SCUBE2: variants seen among roughly 807,000 people sequenced by gnomAD.
SCUBE2 encodes signal peptide, CUB domain and EGF like domain containing 2.
A neutral mutation model predicts 125.9 loss-of-function variants in SCUBE2; 114 were observed. That is an observed-to-expected ratio of 0.91 (90% CI 0.78 to 1.06). SCUBE2 has a LOEUF of 1.06. SCUBE2 is among the 50% of genes least tolerant of loss of function. The probability of loss-of-function intolerance (pLI) is 0.00; values close to 1 mark genes in which losing one functional copy is unlikely to be tolerated. For missense variants in SCUBE2, 1,255 were observed against 1,301.8 expected (o/e 0.96, Z 0.55); for synonymous variants, 459 against 492.9 (o/e 0.93, Z 0.91).
intron 16 of SCUBE2, among the ~76,000 whole-genome samples, chr11:9,041,051 G>A (rs1204146831): frequency 1.3e-5 from 2 of 152,180 alleles, no homozygotes; most frequent in Non-Finnish European, 2.9e-5. Flanking sequence ...AAGACTATAG[G>A]ACAAATGGAT....
intron 16 of SCUBE2, among the ~76,000 whole-genome samples, chr11:9,045,863 A>T (rs1007275628): frequency 1.3e-5 from 2 of 152,136 alleles, no homozygotes; most frequent in African/African-American, 4.8e-5. Flanking sequence ...GAATTCATCC[A>T]GTGTTTGGGA....
At chr11:9,075,791 G>A (rs1030949668) in intron 3 of SCUBE2, among the ~76,000 whole-genome samples, 25 of 152,214 alleles carry the variant, frequency 1.6e-4, no homozygotes, top group African/African-American at 6.0e-4. Context: ...CGGCTGCCAG[G>A]GATGCTGGGA....
chr11:9,039,348 G>C (rs184410162), intron 16 of SCUBE2, among the ~76,000 whole-genome samples: 1 of 152,168 alleles, frequency 6.6e-6, no homozygotes, highest in Admixed American at 6.5e-5. Flanking sequence ...ATTTGCACAC[G>C]GACTGGATGA....
intron 17 of SCUBE2, 88 bp from the exon 18 acceptor site, chr11:9,031,013 C>T: frequency 7.6e-7 from 1 of 1,313,432 alleles, no homozygotes; most frequent in Admixed American, 2.3e-5. Context: ...TCAGTCCAAC[C>T]TGTTACCCAG....
chr11:9,090,880 C>T (rs1446207943), intron 1 of SCUBE2, among the ~76,000 whole-genome samples: 1 of 152,238 alleles, frequency 6.6e-6, no homozygotes, highest in Non-Finnish European at 1.5e-5. Context: ...TGCTGAAAAC[C>T]TAGGCTTGTT....
intron 21 of SCUBE2, chr11:9,024,149 T>A: frequency 9.9e-7 from 1 of 1,013,322 alleles, no homozygotes; most frequent in Non-Finnish European, 1.2e-6. Context: ...CAGTTGGAGC[T>A]ACAACTCTTT....
At chr11:9,037,428 C>A (rs1883101) in intron 16 of SCUBE2, among the ~76,000 whole-genome samples, 2 of 152,242 alleles carry the variant, frequency 1.3e-5, no homozygotes, top group Middle Eastern at 3.4e-3. Context: ...TTGAAGCCTC[C>A]GCCTCTTTTC....
intron 2 of SCUBE2, among the ~76,000 whole-genome samples, chr11:9,083,819 C>T (rs756974660): frequency 1.4e-4 from 22 of 152,140 alleles, no homozygotes; most frequent in South Asian, 4.2e-4. Context: ...GGATTACAGA[C>T]GTGAGCCACT....
chr11:9,059,604 C>T (rs1315851614), intron 8 of SCUBE2, 179 bp from the exon 9 acceptor site: 3 of 797,844 alleles, frequency 3.8e-6, no homozygotes, highest in South Asian at 2.6e-5. Flanking sequence ...TCTGGCTTAA[C>T]CAGTTTTGAA....
rs1856258748 is a variant in SCUBE2, at chr11:9,031,042, C to T, written c.2174-117G>A. On this transcript the variant is annotated intron_variant, in intron 17 of 22. Coordinates refer to ENST00000649792, the MANE Select transcript of SCUBE2 (RefSeq NM_001367977.2). The stretch of plus-strand genomic sequence containing the variant: ...TACCCAGTGCTGACCGCAGTTCCCA[C>T]CTCAGTCAGAGAGCACACAGTCAAT... 7.7e-6 allele frequency: 7 copies of T among 904,554 alleles called. No homozygotes were observed. The South Asian group carries it at 1.1e-4, about 14-fold the overall frequency. 56.0% of individuals were successfully genotyped at this position (904,554 alleles called of 1,614,324 possible).
chr11:9,086,127 A>G (rs11821561), intron 2 of SCUBE2, among the ~76,000 whole-genome samples: 10,784 of 152,218 alleles, frequency 0.071, 1,193 homozygotes, highest in African/African-American at 0.24. Flanking sequence ...AGCCAATTCA[A>G]TTCCTCAAAC....
At chr11:9,066,589 CAAATGCACAGG>C in intron 6 of SCUBE2, 97 bp downstream of exon 6, 1 of 906,518 alleles carries the variant, frequency 1.1e-6, no homozygotes, top group Non-Finnish European at 1.8e-6. Flanking sequence ...GCTGGGGGGG[CAAATGCACAGG>C]AAACAGCCTG....
chr11:9,045,999 T>TTC (rs1278142399), intron 16 of SCUBE2, among the ~76,000 whole-genome samples: 20 of 145,646 alleles, frequency 1.4e-4, no homozygotes, highest in Admixed American at 5.6e-4. Flanking sequence ...GTGTCTTTCT[T>TTC]TCTTTTTTTT....
At chr11:9,028,948 T>C (rs565452786) in intron 19 of SCUBE2, among the ~76,000 whole-genome samples, 1 of 152,310 alleles carries the variant, frequency 6.6e-6, no homozygotes, top group Admixed American at 6.5e-5. Flanking sequence ...AGGCTACTTA[T>C]AAAGATGTTG....
chr11:9,024,420 G>A (rs764377605), intron 21 of SCUBE2: 16 of 1,286,134 alleles, frequency 1.2e-5, no homozygotes, highest in Non-Finnish European at 1.6e-5. Context: ...GCATCTGTAG[G>A]ACAAAGATGA....
At chr11:9,059,712 A>C in intron 8 of SCUBE2, 1 of 393,756 alleles carries the variant, frequency 2.5e-6, no homozygotes. Flanking sequence ...GTCCTGTTAT[A>C]TTCTCATCTT....
intron 4 of SCUBE2, among the ~76,000 whole-genome samples, chr11:9,071,341 A>C (rs1349646787): frequency 6.6e-6 from 1 of 152,232 alleles, no homozygotes; most frequent in Admixed American, 6.5e-5. Context: ...GAATGCCTGT[A>C]TGCCAGATGC....
intron 20 of SCUBE2, chr11:9,027,034 T>G (rs1855825178): frequency 6.1e-6 from 2 of 330,002 alleles, no homozygotes; most frequent in African/African-American, 2.1e-5. Context: ...AAGCCATCAG[T>G]TGCAACTCAG....
At chr11:9,090,624 C>T (rs1862605405) in intron 1 of SCUBE2, among the ~76,000 whole-genome samples, 1 of 151,832 alleles carries the variant, frequency 6.6e-6, no homozygotes, top group Non-Finnish European at 1.5e-5. Flanking sequence ...GGGAAGTCTG[C>T]CCCGGGATCG....
Sources: gnomAD v4.1 joint callset for allele counts (sites outside exome capture counted in the v4.1 genomes callset) on GRCh38, gnomAD v4.1.1 for gene constraint, MANE v1.5 for transcripts, NCBI Gene and HGNC (gene_info 2026-07-23, HGNC 2026-07-21) for gene names.